The following DAPK1 variants were observed in gnomAD, a reference collection of about 807,000 sequenced individuals.
The protein encoded by DAPK1 is death associated protein kinase 1, also known as death-associated protein kinase 1.
DAPK1 carries 56 observed loss-of-function variants against 144.9 expected under a neutral mutation model. That is an observed-to-expected ratio of 0.39 (90% CI 0.31 to 0.48). DAPK1 has a LOEUF of 0.48. Ranked by LOEUF, DAPK1 falls within the 20% of genes least tolerant of loss-of-function variation. DAPK1 has a pLI of 0.95. For synonymous variants in DAPK1, 690 were observed against 749.0 expected (o/e 0.92, Z 1.29); for missense variants, 1,454 against 1,875.4 (o/e 0.78, Z 4.15).
chr9:87,706,608 T>TG lies in DAPK1; in HGVS notation c.3541dup (p.Ala1181GlyfsTer15), dbSNP rs750841662. ...TGAATGGCTGCAAGCTGGCCAACCGTGGGGCCGAGCTGCTGGTGCTGCTGG... is the reference window on the plus strand; with the variant it reads ...TGAATGGCTGCAAGCTGGCCAACCGTGGGGGCCGAGCTGCTGGTGCTGCTGG... On this transcript the variant is annotated frameshift_variant, in exon 26 of 26. Transcript: ENST00000408954. LOFTEE classifies it high-confidence loss of function. The surrounding 1 kb of genome is among the most constrained non-coding windows in gnomAD (Gnocchi z 9.0). 6.2e-7 allele frequency: 1 copy of TG among 1,613,306 alleles called. No individual in the cohort carries two copies.
chr9:87,669,420 GA>G (rs1311514274), intron 19 of DAPK1, among the ~76,000 whole-genome samples: 1 of 151,948 alleles, frequency 6.6e-6, no homozygotes, highest in Non-Finnish European at 1.5e-5. Flanking sequence ...AAAATCCATA[GA>G]AAGAAAATGA....
intron 3 of DAPK1, among the ~76,000 whole-genome samples, chr9:87,610,075 A>T (rs1192777447): frequency 1.3e-5 from 2 of 152,182 alleles, no homozygotes; most frequent in Admixed American, 1.3e-4. Context: ...GATCTGCATT[A>T]ATGGTGCAGT....
chr9:87,659,460 AGAC>A lies in DAPK1; in HGVS notation c.1923+1336_1923+1338del, dbSNP rs569174274. ...AATAGAGCATTTATATGCATTTTCAAGACGAAGAAATATTTTTGTCCTATGTGT... is the reference window on the plus strand; with the variant it reads ...AATAGAGCATTTATATGCATTTTCAAGAAGAAATATTTTTGTCCTATGTGT... On this transcript the variant is annotated intron_variant, in intron 18 of 25. Transcript: ENST00000408954. Among the ~76,000 whole-genome samples, 243 of 152,328 alleles carry A rather than the reference AGAC, an allele frequency of 1.6e-3. 1 individual carries two copies. Among genetic ancestry groups the A allele is most frequent in the Middle Eastern group, 0.01 (3 of 294 alleles).
intron 19 of DAPK1, among the ~76,000 whole-genome samples, chr9:87,679,731 CG>C: frequency 6.6e-6 from 1 of 152,084 alleles, no homozygotes; most frequent in East Asian, 1.9e-4. Context: ...GAGTGAGTAG[CG>C]AACTATTTCA....
Position 87,657,915 on chromosome 9 carries a change from T to G in DAPK1, c.1825-114T>G, listed in dbSNP as rs36215045. 1.6e-3 allele frequency: 1,143 copies of G among 707,068 alleles called. 9 individuals are homozygous for G. The highest frequency in any genetic ancestry group is 0.016 in the African/African-American group (913 of 57,132). The allele number at this position is 707,068 out of a possible 1,614,324, so 43.8% of individuals were successfully genotyped here. The stretch of plus-strand genomic sequence containing the variant: ...CAAGTTTCAGGAGAAGGGAGATGGC[T>G]CCTTCCTCCTTTCTGGTGGGCCCTG... On this transcript the variant is annotated intron_variant, in intron 17 of 25. Transcript: ENST00000408954.
At chr9:87,672,453 C>T (rs1363550187) in intron 19 of DAPK1, among the ~76,000 whole-genome samples, 1 of 152,154 alleles carries the variant, frequency 6.6e-6, no homozygotes, top group Non-Finnish European at 1.5e-5. Flanking sequence ...GGCTCCAGGG[C>T]AGATTCCTGG....
At position 87,698,988 on chromosome 9, in the gene DAPK1, T is replaced by A. The variant is rs36218783; in HGVS notation, c.2750+194T>A. On this transcript the variant is annotated intron_variant, in intron 23 of 25. Transcript: ENST00000408954. ...AAATGATCGGCTTTAGAAGTGTTTC[T>A]GATTTCTTATTTGTTTGGATTTTAA... 1.6e-3 allele frequency among the ~76,000 whole-genome samples: 240 copies of A among 152,386 alleles called. 5 individuals carry two copies. Among genetic ancestry groups the A allele is most frequent in the Admixed American group, 0.014 (211 of 15,310 alleles).
At chr9:87,626,705 T>G (rs1359350432) in intron 3 of DAPK1, among the ~76,000 whole-genome samples, 1 of 152,232 alleles carries the variant, frequency 6.6e-6, no homozygotes, top group Non-Finnish European at 1.5e-5. Context: ...AGGGAATGAC[T>G]AAATAAACTC....
chr9:87,609,758 A>T (rs889298296), intron 3 of DAPK1, among the ~76,000 whole-genome samples: 1 of 152,210 alleles, frequency 6.6e-6, no homozygotes, highest in Non-Finnish European at 1.5e-5. Context: ...AGGAGGTAAT[A>T]GTGGCTGTGT....
chr9:87,571,465 A>ACCCC (rs1564000736), intron 2 of DAPK1, among the ~76,000 whole-genome samples: 5 of 60,180 alleles, frequency 8.3e-5, no homozygotes, highest in South Asian at 6.2e-4. Context: ...ACACACACAC[A>ACCCC]CACACACACC....
rs531886947 is a variant in DAPK1, at chr9:87,500,371, A to C, written c.62+1232A>C. Among the ~76,000 whole-genome samples, 164 of 152,332 alleles carry C rather than the reference A, an allele frequency of 1.1e-3. 1 individual carries two copies. Among genetic ancestry groups the C allele is most frequent in the Admixed American group, 2.5e-3 (38 of 15,294 alleles). On this transcript the variant is annotated intron_variant, in intron 2 of 25. Transcript: ENST00000408954. The stretch of plus-strand genomic sequence containing the variant: ...AACATCACATTTCATGGATATGTTT[A>C]AGATTAAAGTTTAAGAGTGTGTGGG...
chr9:87,696,565 T>C (rs1231736311), intron 21 of DAPK1, among the ~76,000 whole-genome samples: 1 of 152,172 alleles, frequency 6.6e-6, no homozygotes, highest in African/African-American at 2.4e-5. Flanking sequence ...GGTGAGAGCT[T>C]TTGAGCTGGG....
At chr9:87,612,241 A>G (rs1353369193) in intron 3 of DAPK1, among the ~76,000 whole-genome samples, 2 of 152,240 alleles carry the variant, frequency 1.3e-5, no homozygotes, top group South Asian at 2.1e-4. Flanking sequence ...TTCAAACCGT[A>G]GCACCATAGT....
chr9:87,499,693 G>A (rs909775707), intron 2 of DAPK1, among the ~76,000 whole-genome samples: 3 of 152,042 alleles, frequency 2.0e-5, no homozygotes, highest in African/African-American at 7.2e-5. Flanking sequence ...TGGTTGCTTT[G>A]GTTTCATTTA....
chr9:87,604,094 G>T (rs1025691092), intron 2 of DAPK1, among the ~76,000 whole-genome samples: 2 of 152,092 alleles, frequency 1.3e-5, no homozygotes, highest in South Asian at 4.1e-4. Flanking sequence ...CCTTTTACTG[G>T]CTCTGCTTCT....
chr9:87,640,671 T>C, intron 8 of DAPK1, 131 bp from the exon 9 acceptor site: 2 of 1,100,020 alleles, frequency 1.8e-6, no homozygotes, highest in East Asian at 2.4e-5. Context: ...AAGACCGATG[T>C]TGTTTTTGGC....
intron 2 of DAPK1, among the ~76,000 whole-genome samples, chr9:87,585,310 G>T (rs1827909377): frequency 6.6e-6 from 1 of 152,168 alleles, no homozygotes; most frequent in African/African-American, 2.4e-5. Flanking sequence ...AAGCTCATCT[G>T]CCTGAACCAG....
chr9:87,561,145 T>C (rs914551392), intron 2 of DAPK1, among the ~76,000 whole-genome samples: 2 of 152,142 alleles, frequency 1.3e-5, no homozygotes, highest in Admixed American at 1.3e-4. Flanking sequence ...AATAATATAT[T>C]AGATGAGGAG....
At chr9:87,558,160 A>T (rs1443653730) in intron 2 of DAPK1, among the ~76,000 whole-genome samples, 4 of 152,076 alleles carry the variant, frequency 2.6e-5, no homozygotes, top group Non-Finnish European at 5.9e-5. Context: ...GCCCCTTGAG[A>T]GCTGCCAGAA....
Sources: gnomAD v4.1 joint callset for allele counts (sites outside exome capture counted in the v4.1 genomes callset) on GRCh38, gnomAD v4.1.1 for gene constraint, Gnocchi (gnomAD v3.1) non-coding constraint, MANE v1.5 for transcripts, NCBI Gene and HGNC (gene_info 2026-07-23, HGNC 2026-07-21) for gene names.